The following MAPT variants were observed in gnomAD, a reference collection of about 807,000 sequenced individuals.
MAPT encodes the protein microtubule associated protein tau.
In MAPT, 34 loss-of-function variants were observed where a neutral mutation model predicts 67.9. That is an observed-to-expected ratio of 0.50 (90% confidence interval 0.38 to 0.67). MAPT has a LOEUF of 0.67. Among genes scored for constraint, MAPT ranks in the 30% least tolerant of loss-of-function variants. MAPT has a pLI of 0.00. For missense variants in MAPT, 881 were observed against 1,115.2 expected (o/e 0.79, Z 2.99); for synonymous variants, 456 against 464.5 (o/e 0.98, Z 0.23).
chr17:45,950,857 T>A (rs1470752306), intron 1 of MAPT, among the ~76,000 whole-genome samples: 5 of 152,116 alleles, frequency 3.3e-5, no homozygotes, highest in Middle Eastern at 3.2e-3. Flanking sequence ...GAGACGGGGT[T>A]TCACCATGTT....
At chr17:45,956,585 TATATATATATATA>T (rs2069723419) in intron 1 of MAPT, among the ~76,000 whole-genome samples, 4 of 7,770 alleles carry the variant, frequency 5.1e-4, no homozygotes, top group African/African-American at 7.7e-4. Flanking sequence ...TATATATATA[TATATATATATATA>T]TATTTTTTAT....
In MAPT at chr17:46,027,468, T is replaced by C. The variant is rs2076858329; in HGVS notation, c.*3297T>C. 1 of 152,476 alleles carries C rather than the reference T, an allele frequency of 6.6e-6. No homozygotes were observed. Among genetic ancestry groups the C allele is most frequent in the Non-Finnish European group, 1.5e-5 (1 of 68,094 alleles). The allele number at this position is 152,476 out of a possible 1,614,324, so 9.4% of individuals were successfully genotyped here. A position where few individuals can be genotyped will look rare whatever the true frequency, so the allele number is the denominator to read the frequency against. On this transcript the variant is annotated 3_prime_UTR_variant, in exon 13 of 13. Transcript: ENST00000262410. ...GGCTCCTTCAAGCTGCTGACTCACT[T>C]TATCAATAGTTCCATTTAAATTGAC...
At chr17:45,965,880 C>T (rs1006701770) in intron 2 of MAPT, among the ~76,000 whole-genome samples, 1 of 152,200 alleles carries the variant, frequency 6.6e-6, no homozygotes, top group Non-Finnish European at 1.5e-5. Context: ...CACAACAGCC[C>T]GTGAGGGTGG....
chr17:46,006,025 G>A (rs1467438435), intron 9 of MAPT, among the ~76,000 whole-genome samples: 6 of 152,148 alleles, frequency 3.9e-5, no homozygotes, highest in African/African-American at 7.2e-5. Flanking sequence ...GAAAGGTGAT[G>A]TGGCACTAGA....
chr17:45,915,181 T>A lies in MAPT; in HGVS notation c.-18+20495T>A, dbSNP rs1277155051. ...CAAAAGCTCTGATCTGGCCTAACCCTGTCATGTTAGAGACTGGAGTGCGTG... is the reference window on the plus strand; with the variant it reads ...CAAAAGCTCTGATCTGGCCTAACCCAGTCATGTTAGAGACTGGAGTGCGTG... On this transcript the variant is annotated intron_variant, in intron 1 of 12. Coordinates refer to ENST00000262410, the MANE Select transcript of MAPT (RefSeq NM_001377265.1). The surrounding 1 kb of genome is among the most constrained non-coding windows in gnomAD (Gnocchi z 4.4). Among the ~76,000 whole-genome samples, 1 of 152,072 alleles carries A rather than the reference T, an allele frequency of 6.6e-6. No homozygotes were observed. Among genetic ancestry groups the A allele is most frequent in the African/African-American group, 2.4e-5 (1 of 41,390 alleles).
At chr17:45,990,896 T>C (rs1001566952) in intron 7 of MAPT, among the ~76,000 whole-genome samples, 1 of 152,342 alleles carries the variant, frequency 6.6e-6, no homozygotes, top group African/African-American at 2.4e-5. Context: ...TTGTCAGTGA[T>C]GCTGGTGCTC....
intron 1 of MAPT, 73 bp from the exon 2 acceptor site, chr17:45,962,239 GAGGAGAGGC>G (rs1231648695): frequency 5.8e-5 from 68 of 1,178,792 alleles, no homozygotes; most frequent in Non-Finnish European, 7.8e-5. Flanking sequence ...CATGAACTGG[GAGGAGAGGC>G]TCCTCTCTCT....
chr17:45,996,460 C>G lies in MAPT; in HGVS notation c.1794C>G (p.Pro598=). 6.2e-7 allele frequency: 1 copy of G among 1,612,694 alleles called. No individual in the cohort carries two copies. Among genetic ancestry groups the G allele is most frequent in the African/African-American group, 1.3e-5 (1 of 75,038 alleles). The part of the protein sequence containing the change: ...GYSSPGSPGT[P]GSRSRTPSLP... ...GCAGCCCCGGCTCCCCAGGCACTCC[C>G]GGCAGCCGCTCCCGCACCCCGTCCC... The change falls in exon 9 of 13, where the codon CCC becomes CCG. Residue 598 remains proline, a synonymous_variant. Transcript: ENST00000262410. This position sits in a 1 kb window ranked among gnomAD's most constrained non-coding sequence, Gnocchi z 4.5.
intron 1 of MAPT, among the ~76,000 whole-genome samples, chr17:45,943,695 C>T (rs79115768): frequency 0.14 from 21,811 of 152,166 alleles, 2,138 homozygotes; most frequent in Non-Finnish European, 0.22. Context: ...GGGTGCATTA[C>T]CCGAAAGCTG....
rs146630630 is a variant in MAPT, at chr17:45,955,475, G to A, written c.-17-6846G>A. Among the ~76,000 whole-genome samples the A allele has an allele frequency of 6.6e-3, 1,012 of 152,286 alleles. 10 individuals carry two copies. The highest frequency in any genetic ancestry group is 0.024 in the African/African-American group (980 of 41,544). ...AATTCACCGAGGGCACCTCTGTGGT[G>A]CTGCCTGTGGACAAAGTCCAAGCCA... On this transcript the variant is annotated intron_variant, in intron 1 of 12. Coordinates refer to ENST00000262410, the MANE Select transcript of MAPT (RefSeq NM_001377265.1).
intron 2 of MAPT, among the ~76,000 whole-genome samples, chr17:45,963,804 G>A (rs1285226031): frequency 2.6e-5 from 4 of 152,264 alleles, no homozygotes; most frequent in Admixed American, 2.6e-4. Flanking sequence ...TCTCGCACAG[G>A]GAGTGGCCAT....
chr17:45,991,467 A>T lies in MAPT; in HGVS notation c.1613A>T (p.Asp538Val), dbSNP rs1355381609. The T allele has an allele frequency of 1.2e-6, 2 of 1,614,070 alleles. No homozygotes were observed. Among genetic ancestry groups the T allele is most frequent in the African/African-American group, 1.3e-5 (1 of 74,928 alleles). Residue 538 changes from aspartate (D) to valine (V), a missense_variant, in exon 8 of 13, where the codon GAT (aspartate) becomes GTT (valine). Physicochemically the swap from Asp to Val is radical, Grantham distance 152. This residue lies in a region of MAPT where 687 missense variants were observed against 766.1 expected (regional missense o/e 0.90). Transcript: ENST00000262410. ...ATCATGTTTCATTTACAGGGGGCTG[A>T]TGGTAAAACGAAGATCGCCACACCG... Reference protein sequence around the residue: ...GAKEMKLKGADGKTKIATPRG... With the variant: ...GAKEMKLKGAVGKTKIATPRG...
intron 1 of MAPT, among the ~76,000 whole-genome samples, chr17:45,900,298 T>C (rs546162926): frequency 6.6e-6 from 1 of 152,194 alleles, no homozygotes; most frequent in Non-Finnish European, 1.5e-5. Flanking sequence ...TCCTTTCCTG[T>C]CTCCAGGTGC....
Position 45,990,182 on chromosome 17 carries a change from C to G in MAPT, c.1605+107C>G, listed in dbSNP as rs1250845407. Reference sequence around the variant, plus strand: ...TCAAAGACCTTTCTTCAAATGAGTTCTGGCATAGAAGCACCGTGTAAAATA... The same window carrying G: ...TCAAAGACCTTTCTTCAAATGAGTTGTGGCATAGAAGCACCGTGTAAAATA... On this transcript the variant is annotated intron_variant, in intron 7 of 12. Coordinates refer to ENST00000262410, the MANE Select transcript of MAPT (RefSeq NM_001377265.1). 12 of 999,278 alleles carry G rather than the reference C, an allele frequency of 1.2e-5. No individual in the cohort carries two copies. In the Admixed American group the frequency reaches 2.3e-4, roughly 19 times the overall value. 61.9% of individuals were successfully genotyped at this position (999,278 alleles called of 1,614,324 possible).
At chr17:46,000,930 T>A (rs2074948759) in intron 9 of MAPT, among the ~76,000 whole-genome samples, 1 of 152,190 alleles carries the variant, frequency 6.6e-6, no homozygotes, top group Non-Finnish European at 1.5e-5. Context: ...AAGGACCAGC[T>A]TTTAAAACAT....
At chr17:45,977,130 T>G (rs2072453677) in intron 3 of MAPT, 1 of 152,592 alleles carries the variant, frequency 6.6e-6, no homozygotes, top group African/African-American at 2.4e-5. Context: ...CTAGTGCTAG[T>G]GATGGGAGCC....
Position 46,024,320 on chromosome 17 carries a change from C to G in MAPT, c.*149C>G. On this transcript the variant is annotated 3_prime_UTR_variant, in exon 13 of 13. Coordinates refer to ENST00000262410, the MANE Select transcript of MAPT (RefSeq NM_001377265.1). ...TTAATCACTTAACCTGCTTTTGTCA[C>G]TCGGCTTTGGCTCGGGACTTCAAAA... The G allele has an allele frequency of 2.7e-6, 2 of 750,664 alleles. No homozygotes were observed. The highest frequency in any genetic ancestry group is 5.4e-5 in the East Asian group (2 of 37,086). 46.5% of individuals were successfully genotyped at this position (750,664 alleles called of 1,614,324 possible).
intron 1 of MAPT, among the ~76,000 whole-genome samples, chr17:45,920,153 A>G (rs1266314068): frequency 6.6e-6 from 1 of 152,176 alleles, no homozygotes; most frequent in Non-Finnish European, 1.5e-5. Context: ...GTCTTTGTAC[A>G]CGTCCGGCGG....
At chr17:45,969,789 TTCCA>T (rs1348440237) in intron 2 of MAPT, among the ~76,000 whole-genome samples, 5 of 150,438 alleles carry the variant, frequency 3.3e-5, no homozygotes, top group Non-Finnish European at 7.4e-5. Context: ...CCATCCTTCC[TTCCA>T]TCCATCATTC....
Sources: gnomAD v4.1 joint callset for allele counts (sites outside exome capture counted in the v4.1 genomes callset) on GRCh38, gnomAD v4.1.1 for gene constraint, gnomAD v4.1.1 regional missense constraint, Gnocchi (gnomAD v3.1) non-coding constraint, MANE v1.5 for transcripts, NCBI Gene and HGNC (gene_info 2026-07-23, HGNC 2026-07-21) for gene names.